The following PRKCE variants were observed in gnomAD, a reference collection of about 807,000 sequenced individuals.
PRKCE encodes the protein protein kinase C epsilon type.
In PRKCE, 16 loss-of-function variants were observed where a neutral mutation model predicts 85.4. The ratio of observed to expected loss-of-function variants is 0.19; its 90% confidence interval spans 0.13 to 0.28. PRKCE has a LOEUF of 0.28. PRKCE is among the 10% of genes least tolerant of loss of function. The pLI is 1.00. For missense variants in PRKCE, 573 were observed against 975.2 expected (o/e 0.59, Z 5.49); for synonymous variants, 388 against 371.5 (o/e 1.04, Z -0.51).
intron 12 of PRKCE, among the ~76,000 whole-genome samples, chr2:46,147,982 A>C (rs2104506070): frequency 6.6e-6 from 1 of 152,352 alleles, no homozygotes; most frequent in East Asian, 1.9e-4. Context: ...ATGAGATTAG[A>C]GCATGGAAAT....
intron 1 of PRKCE, among the ~76,000 whole-genome samples, chr2:45,829,609 C>T (rs1198651873): frequency 6.6e-6 from 1 of 152,166 alleles, no homozygotes; most frequent in Non-Finnish European, 1.5e-5. Context: ...AGAACATGTG[C>T]AGAGGGCACA....
intron 10 of PRKCE, among the ~76,000 whole-genome samples, chr2:46,085,121 A>G (rs984196159): frequency 3.3e-5 from 5 of 152,278 alleles, no homozygotes; most frequent in East Asian, 3.9e-4. Flanking sequence ...CTAGGAGCTT[A>G]GAATATAATA....
At chr2:46,153,344 G>T (rs1676828603) in intron 13 of PRKCE, among the ~76,000 whole-genome samples, 1 of 152,028 alleles carries the variant, frequency 6.6e-6, no homozygotes, top group African/African-American at 2.4e-5. Flanking sequence ...ATATTTATTG[G>T]CAGGCACTAT....
intron 1 of PRKCE, among the ~76,000 whole-genome samples, chr2:45,787,658 A>G (rs958415565): frequency 1.3e-5 from 2 of 152,130 alleles, no homozygotes; most frequent in African/African-American, 4.8e-5. Context: ...TCCATATAAG[A>G]TTTCATCTGG....
At chr2:46,006,940 G>A (rs1254015160) in intron 8 of PRKCE, among the ~76,000 whole-genome samples, 1 of 152,224 alleles carries the variant, frequency 6.6e-6, no homozygotes, top group Non-Finnish European at 1.5e-5. Flanking sequence ...CAACAAGGCT[G>A]AGTAAAGGTT....
chr2:45,988,708 C>G (rs1271168113), intron 6 of PRKCE, among the ~76,000 whole-genome samples: 1 of 152,226 alleles, frequency 6.6e-6, no homozygotes, highest in Non-Finnish European at 1.5e-5. Flanking sequence ...TCTCTCCAGA[C>G]TCATTCGTGG....
Position 45,751,809 on chromosome 2 carries a change from ATTTTTTTTT to A in PRKCE, c.349-91173_349-91165del, listed in dbSNP as rs34589907. Reference sequence around the variant, plus strand: ...ACTCCAGCCTCCAAAGCTAACCACTATTTTTTTTTTTTTTTTTTTTTTTTTTGAGACGGA... The same window carrying A: ...ACTCCAGCCTCCAAAGCTAACCACTATTTTTTTTTTTTTTTTTGAGACGGA... On this transcript the variant is annotated intron_variant, in intron 1 of 14. Coordinates refer to ENST00000306156, the MANE Select transcript of PRKCE (RefSeq NM_005400.3). Among the ~76,000 whole-genome samples, 14 of 78,526 alleles carry A rather than the reference ATTTTTTTTT, an allele frequency of 1.8e-4. No homozygotes were observed. The South Asian group carries it at 3.9e-3, about 22-fold the overall frequency. 51.5% of individuals were successfully genotyped at this position (78,526 alleles called of 152,430 possible). A position where few individuals can be genotyped will look rare whatever the true frequency, so the allele number is the denominator to read the frequency against.
At chr2:46,025,506 A>G (rs1278936288) in intron 10 of PRKCE, among the ~76,000 whole-genome samples, 1 of 152,220 alleles carries the variant, frequency 6.6e-6, no homozygotes, top group Admixed American at 6.5e-5. Context: ...AATCAGAGGA[A>G]GAGATGAGTG....
chr2:45,965,932 T>G lies in PRKCE; in HGVS notation c.413-10497T>G, dbSNP rs145546365. Among the ~76,000 whole-genome samples the G allele has an allele frequency of 3.6e-3, 541 of 152,280 alleles. 2 individuals carry two copies. Among genetic ancestry groups the G allele is most frequent in the African/African-American group, 0.011 (474 of 41,560 alleles). On this transcript the variant is annotated intron_variant, in intron 2 of 14. Transcript: ENST00000306156. ...TCCATTATGTGGGTGTGCCATGACTTAATCAGTCCCCCTCAGCTTTCTTTT... is the reference window on the plus strand; with the variant it reads ...TCCATTATGTGGGTGTGCCATGACTGAATCAGTCCCCCTCAGCTTTCTTTT...
chr2:46,150,265 A>G (rs1415094736), intron 12 of PRKCE, among the ~76,000 whole-genome samples: 1 of 152,218 alleles, frequency 6.6e-6, no homozygotes, highest in Non-Finnish European at 1.5e-5. Flanking sequence ...AAGACAAGTG[A>G]CCATTGTCAA....
At chr2:45,988,144 C>T (rs763267092) in intron 6 of PRKCE, among the ~76,000 whole-genome samples, 1 of 152,194 alleles carries the variant, frequency 6.6e-6, no homozygotes, top group Non-Finnish European at 1.5e-5. Flanking sequence ...GCTAGCAGGG[C>T]CTGCTAGGCT....
At chr2:46,000,285 T>C (rs762672792) in intron 6 of PRKCE, among the ~76,000 whole-genome samples, 1 of 144,824 alleles carries the variant, frequency 6.9e-6, no homozygotes, top group African/African-American at 2.6e-5. Context: ...AAGAATTACA[T>C]AGAGCTGTGA....
intron 1 of PRKCE, among the ~76,000 whole-genome samples, chr2:45,757,897 G>C (rs116684454): frequency 0.012 from 1,782 of 152,250 alleles, 30 homozygotes; most frequent in African/African-American, 0.041. Context: ...GTTGATGCTG[G>C]CAAAAACAAA....
At chr2:45,849,578 G>C (rs771739583) in intron 2 of PRKCE, among the ~76,000 whole-genome samples, 1 of 152,148 alleles carries the variant, frequency 6.6e-6, no homozygotes, top group Non-Finnish European at 1.5e-5. Flanking sequence ...CTCAAAGCCA[G>C]ACACCAGCTC....
intron 1 of PRKCE, among the ~76,000 whole-genome samples, chr2:45,803,301 C>T (rs1376472302): frequency 2.0e-5 from 3 of 152,200 alleles, no homozygotes; most frequent in African/African-American, 7.2e-5. Context: ...CGAAATAATA[C>T]ACTGAAATTA....
At chr2:45,707,257 A>C (rs1679189147) in intron 1 of PRKCE, among the ~76,000 whole-genome samples, 1 of 152,208 alleles carries the variant, frequency 6.6e-6, no homozygotes, top group Non-Finnish European at 1.5e-5. Context: ...ATCAGTCCCC[A>C]TCTGTTAAAT....
chr2:45,668,256 G>T (rs150202248), intron 1 of PRKCE, among the ~76,000 whole-genome samples: 1 of 152,156 alleles, frequency 6.6e-6, no homozygotes, highest in Non-Finnish European at 1.5e-5. Flanking sequence ...CAGGAGAATC[G>T]CTTGAACCTG....
At chr2:46,016,550 C>T (rs938484240) in intron 10 of PRKCE, among the ~76,000 whole-genome samples, 2 of 152,136 alleles carry the variant, frequency 1.3e-5, no homozygotes, top group African/African-American at 2.4e-5. Context: ...CTAACTGCTG[C>T]AGCTTCGTGT....
chr2:46,051,048 T>C (rs1708826022), intron 10 of PRKCE, among the ~76,000 whole-genome samples: 1 of 152,216 alleles, frequency 6.6e-6, no homozygotes, highest in South Asian at 2.1e-4. Flanking sequence ...AGACAATATG[T>C]GCATCGTGTC....
Sources: gnomAD v4.1 joint callset for allele counts (sites outside exome capture counted in the v4.1 genomes callset) on GRCh38, gnomAD v4.1.1 for gene constraint, MANE v1.5 for transcripts, NCBI Gene and HGNC (gene_info 2026-07-23, HGNC 2026-07-21) for gene names.